ENPP1: variants seen among roughly 807,000 people sequenced by gnomAD.
ENPP1 encodes ectonucleotide pyrophosphatase/phosphodiesterase 1.
Under a neutral mutation model 122.8 loss-of-function variants are expected in ENPP1, and 73 were observed. The ratio of observed to expected loss-of-function variants is 0.59; its 90% CI spans 0.49 to 0.72. The LOEUF (loss-of-function observed/expected upper bound fraction) is 0.72. Among genes scored for constraint, ENPP1 ranks in the 30% least tolerant of loss-of-function variants. The pLI, the probability that ENPP1 is intolerant of heterozygous loss-of-function variation, is 0.00. For synonymous variants in ENPP1, 367 were observed against 391.6 expected, an observed-to-expected ratio of 0.94 and a Z score of 0.74; for missense variants, 978 against 1,128.1, an observed-to-expected ratio of 0.87 and a Z score of 1.91.
chr6:131,864,960 A>G lies in ENPP1; in HGVS notation c.1164+22A>G, dbSNP rs372342294. 1.5e-5 allele frequency: 22 copies of G among 1,420,292 alleles called. No individual in the cohort carries two copies. The African/African-American group carries it at 3.1e-4, about 20-fold the overall frequency. 88.0% of individuals were successfully genotyped at this position (1,420,292 alleles called of 1,614,324 possible). A position where few individuals can be genotyped will look rare whatever the true frequency, so the allele number is the denominator to read the frequency against. On this transcript the variant is annotated intron_variant, in intron 11 of 24. Coordinates refer to ENST00000647893, the MANE Select transcript of ENPP1 (RefSeq NM_006208.3). ...TGAAGTAAGTACATTTTTATCAGTA[A>G]TTATTTCATTAAACCCAGTCATCAA...
chr6:131,860,903 G>T (rs1782015111), intron 8 of ENPP1, among the ~76,000 whole-genome samples: 2 of 152,200 alleles, frequency 1.3e-5, no homozygotes, highest in South Asian at 4.2e-4. Context: ...TTTCCAAGCT[G>T]TGTTCTCCTT....
At chr6:131,880,873 T>A (rs1782296430) in intron 20 of ENPP1, among the ~76,000 whole-genome samples, 1 of 151,284 alleles carries the variant, frequency 6.6e-6, no homozygotes, top group African/African-American at 2.4e-5. Flanking sequence ...ACCAGAGGAG[T>A]TAGGCCTTGA....
chr6:131,808,321 G>A (rs1160504897), intron 1 of ENPP1, 46 bp downstream of exon 1: 1 of 1,467,936 alleles, frequency 6.8e-7, no homozygotes, highest in East Asian at 2.8e-5. Context: ...CTGGGAGTAC[G>A]GGGAGGGCGG....
intron 5 of ENPP1, among the ~76,000 whole-genome samples, chr6:131,853,337 T>C (rs1781904375): frequency 6.6e-6 from 1 of 152,206 alleles, no homozygotes; most frequent in South Asian, 2.1e-4. Flanking sequence ...TTAGACTTAG[T>C]GAATTTCAAA....
At position 131,874,262 on chromosome 6, in the gene ENPP1, C is replaced by T. The variant is rs1461477920; in HGVS notation, c.1566-6C>T. The T allele has an allele frequency of 9.2e-6, 14 of 1,524,582 alleles. No individual in the cohort carries two copies. Among genetic ancestry groups the T allele is most frequent in the African/African-American group, 1.4e-5 (1 of 73,100 alleles). The allele number at this position is 1,524,582 out of a possible 1,614,324, so 94.4% of individuals were successfully genotyped here. A position where few individuals can be genotyped will look rare whatever the true frequency, so the allele number is the denominator to read the frequency against. The stretch of plus-strand genomic sequence containing the variant: ...TACATTTTTAATTCATATATGTCAA[C>T]ATTAGGAATCCCTCAGAAAGGAAAT... On this transcript the variant is annotated splice_polypyrimidine_tract_variant and splice_region_variant and intron_variant, in intron 15 of 24. Coordinates refer to ENST00000647893, the MANE Select transcript of ENPP1 (RefSeq NM_006208.3).
intron 1 of ENPP1, among the ~76,000 whole-genome samples, chr6:131,821,886 A>G (rs149847863): frequency 2.6e-5 from 4 of 152,360 alleles, no homozygotes; most frequent in South Asian, 4.1e-4. Flanking sequence ...ATGTAAAATC[A>G]GGTTAAATGT....
intron 18 of ENPP1, chr6:131,877,486 G>A: frequency 2.6e-6 from 1 of 379,738 alleles, no homozygotes; most frequent in Non-Finnish European, 5.0e-6. Context: ...GGGAATCTGT[G>A]CTGTTAACTC....
In ENPP1 at chr6:131,891,553, T is replaced by C. The variant is rs896395114; in HGVS notation, c.*1042T>C. 6.6e-6 allele frequency: 1 copy of C among 152,210 alleles called. No homozygotes were observed. Among genetic ancestry groups the C allele is most frequent in the Non-Finnish European group, 1.5e-5 (1 of 68,040 alleles). The allele number at this position is 152,210 out of a possible 1,614,324, so 9.4% of individuals were successfully genotyped here. Reference sequence around the variant, plus strand: ...CTTTACTACCTTGACTGTAGCTTTTTATCCCTACCTGTGAACCTTCAAAGA... The same window carrying C: ...CTTTACTACCTTGACTGTAGCTTTTCATCCCTACCTGTGAACCTTCAAAGA... On this transcript the variant is annotated 3_prime_UTR_variant, in exon 25 of 25. Transcript: ENST00000647893.
chr6:131,813,891 G>T (rs73780758), intron 1 of ENPP1, among the ~76,000 whole-genome samples: 2,638 of 152,120 alleles, frequency 0.017, 96 homozygotes, highest in African/African-American at 0.059. Flanking sequence ...CAGGAGAGCT[G>T]GTTCGTAGTC....
chr6:131,833,769 G>T (rs1322326741), intron 1 of ENPP1, among the ~76,000 whole-genome samples: 1 of 152,180 alleles, frequency 6.6e-6, no homozygotes, highest in Non-Finnish European at 1.5e-5. Flanking sequence ...AATAGATAAA[G>T]ACCACAAAAA....
intron 18 of ENPP1, 23 bp from the exon 19 acceptor site, chr6:131,878,519 A>G (rs775633958): frequency 1.9e-6 from 3 of 1,548,784 alleles, no homozygotes; most frequent in Non-Finnish European, 2.7e-6. Context: ...AGTCCTTAAA[A>G]ATAGTTTTAT....
intron 21 of ENPP1, among the ~76,000 whole-genome samples, chr6:131,883,289 G>A (rs1782336190): frequency 6.6e-6 from 1 of 152,214 alleles, no homozygotes. Flanking sequence ...TTTCGAGACA[G>A]ACATCCTGTG....
chr6:131,888,753 T>C (rs117941298), intron 24 of ENPP1, among the ~76,000 whole-genome samples: 2,487 of 152,342 alleles, frequency 0.016, 38 homozygotes, highest in Non-Finnish European at 0.023. Flanking sequence ...GTCAGTTTTG[T>C]GGGCATTGTT....
At chr6:131,847,889 G>GTGTGTA (rs1333974214) in intron 2 of ENPP1, 41 bp downstream of exon 2, 6 of 1,352,410 alleles carry the variant, frequency 4.4e-6, no homozygotes, top group Admixed American at 1.7e-5. Context: ...GTGTGTGTGT[G>GTGTGTA]TGTGTATGTG....
chr6:131,819,087 G>GT (rs1005455628), intron 1 of ENPP1, among the ~76,000 whole-genome samples: 3 of 151,854 alleles, frequency 2.0e-5, no homozygotes, highest in East Asian at 1.9e-4. Context: ...GAGGAATGTG[G>GT]TTTTTTTTCA....
chr6:131,877,017 T>C lies in ENPP1; in HGVS notation c.1749T>C (p.Pro583=), dbSNP rs769580003. 6.2e-7 allele frequency: 1 copy of C among 1,614,154 alleles called. No individual in the cohort carries two copies. Among genetic ancestry groups the C allele is most frequent in the East Asian group, 2.2e-5 (1 of 44,876 alleles). ...MCDLLNLTPA[P]NNGTHGSLNH... ...ATTTACTGAATTTGACACCGGCTCC[T>C]AATAACGGAACTCATGGAAGTCTTA... The change falls in exon 18 of 25, where the codon CCT becomes CCC. Residue 583 remains proline (P), a synonymous_variant. Coordinates refer to ENST00000647893, the MANE Select transcript of ENPP1 (RefSeq NM_006208.3).
At position 131,892,764 on chromosome 6, in the gene ENPP1, C is replaced by G. The variant is rs878886818; in HGVS notation, c.*2253C>G. The G allele has an allele frequency of 6.6e-6, 1 of 152,144 alleles. No homozygotes were observed. Among genetic ancestry groups the G allele is most frequent in the Non-Finnish European group, 1.5e-5 (1 of 68,044 alleles). The allele number at this position is 152,144 out of a possible 1,614,324, so 9.4% of individuals were successfully genotyped here. Reference sequence around the variant, plus strand: ...AGCTTGGTGAGAGTGTAAGTCTGGACTCCCCACTCAGCATTTGCTGGTATG... The same window carrying G: ...AGCTTGGTGAGAGTGTAAGTCTGGAGTCCCCACTCAGCATTTGCTGGTATG... On this transcript the variant is annotated 3_prime_UTR_variant, in exon 25 of 25. Transcript: ENST00000647893.
At position 131,873,140 on chromosome 6, in the gene ENPP1, T is replaced by C. The variant is rs543705633; in HGVS notation, c.1565+90T>C. The C allele has an allele frequency of 1.9e-5, 26 of 1,372,550 alleles. No individual in the cohort carries two copies. The East Asian group carries it at 5.3e-4, about 28-fold the overall frequency. 85.0% of individuals were successfully genotyped at this position (1,372,550 alleles called of 1,614,324 possible). A position where few individuals can be genotyped will look rare whatever the true frequency, so the allele number is the denominator to read the frequency against. ...GGCCCTTTCTAACAATATTGTTATG[T>C]GAAAACTGTATAAGTATGATTCTCT... is the stretch of plus-strand genomic sequence containing the variant. On this transcript the variant is annotated intron_variant, in intron 15 of 24. Coordinates refer to ENST00000647893, the MANE Select transcript of ENPP1 (RefSeq NM_006208.3).
At chr6:131,860,905 G>GTTC (rs1782015180) in intron 8 of ENPP1, among the ~76,000 whole-genome samples, 1 of 152,018 alleles carries the variant, frequency 6.6e-6, no homozygotes, top group Non-Finnish European at 1.5e-5. Flanking sequence ...TCCAAGCTGT[G>GTTC]TTCTCCTTTT....
Sources: allele counts gnomAD v4.1 joint callset (sites outside exome capture counted in the v4.1 genomes callset), GRCh38; gene constraint gnomAD v4.1.1; transcripts MANE v1.5; gene names NCBI Gene and HGNC (gene_info 2026-07-23, HGNC 2026-07-21).